TMIGD1: variants seen among roughly 807,000 people sequenced by gnomAD.
The protein encoded by TMIGD1 is transmembrane and immunoglobulin domain-containing protein 1.
In TMIGD1, 29 loss-of-function variants were observed where a neutral mutation model predicts 27.5. The ratio of observed to expected loss-of-function variants is 1.05; its 90% CI spans 0.78 to 1.44. The LOEUF is 1.44. Among genes scored for constraint, TMIGD1 ranks in the 40% most tolerant of loss-of-function variants. The pLI is 0.00. For synonymous variants in TMIGD1, 109 were observed against 110.3 expected (o/e 0.99, Z 0.07); for missense variants, 334 against 310.6 (o/e 1.08, Z -0.57).
Position 30,329,306 on chromosome 17 carries a change from G to A in TMIGD1, c.306C>T (p.Thr102=). 6.2e-7 allele frequency: 1 copy of A among 1,614,066 alleles called. No homozygotes were observed. The highest frequency in any genetic ancestry group is 8.5e-7 in the Non-Finnish European group (1 of 1,180,000). ...CGGACTGATCCCTCCCCAGCCTGCA[G>A]GTAAAGCTGATTCCGTTGTCATTTT... is the stretch of plus-strand genomic sequence containing the variant. ...ISENDNGISF[T]CRLGRDQSVS... is the part of the protein sequence containing the mutation. Residue 102 remains threonine (T), a synonymous_variant, in exon 3 of 7, where the codon ACC becomes ACT. Transcript: ENST00000328886.
At chr17:30,325,684 G>C (rs1597683599) in intron 3 of TMIGD1, among the ~76,000 whole-genome samples, 1 of 152,092 alleles carries the variant, frequency 6.6e-6, no homozygotes, top group African/African-American at 2.4e-5. Context: ...TGGTGGTTTT[G>C]AGGGTTACTC....
intron 3 of TMIGD1, among the ~76,000 whole-genome samples, chr17:30,328,008 G>T (rs557633707): frequency 6.6e-6 from 1 of 151,354 alleles, no homozygotes; most frequent in Non-Finnish European, 1.5e-5. Flanking sequence ...TGATTTTAAG[G>T]TGATGTTTAA....
At chr17:30,321,134 A>G (rs1909607119) in intron 4 of TMIGD1, among the ~76,000 whole-genome samples, 1 of 151,038 alleles carries the variant, frequency 6.6e-6, no homozygotes, top group Non-Finnish European at 1.5e-5. Context: ...CTGGGATTAT[A>G]GGTGTGAGCC....
intron 4 of TMIGD1, 31 bp downstream of exon 4, chr17:30,324,785 T>C (rs753743944): frequency 1.3e-6 from 2 of 1,597,316 alleles, no homozygotes; most frequent in South Asian, 1.1e-5. Flanking sequence ...AGTTTTGCAC[T>C]GTGCTGGGTA....
intron 4 of TMIGD1, among the ~76,000 whole-genome samples, chr17:30,323,709 G>A (rs1597682139): frequency 1.3e-5 from 2 of 152,180 alleles, no homozygotes; most frequent in East Asian, 3.8e-4. Flanking sequence ...AGTCAGGATG[G>A]CAGGGCATGA....
rs1448408445 is a variant in TMIGD1 at position 30,317,228 on chromosome 17, G to A, written c.750C>T (p.Cys250=). 4.3e-6 allele frequency: 7 copies of A among 1,613,882 alleles called. No homozygotes were observed. Among genetic ancestry groups the A allele is most frequent in the Admixed American group, 1.7e-5 (1 of 59,986 alleles). The part of the protein sequence containing the change: ...IARRKKIMKL[C]MKDKDPHSET... ...CACTGTGAGGGTCTTTATCCTTCATGCAGAGCTAAAAGCAAACATGGCAGT... is the reference window on the plus strand; with the variant it reads ...CACTGTGAGGGTCTTTATCCTTCATACAGAGCTAAAAGCAAACATGGCAGT... The change falls in exon 6 of 7, where the codon TGC becomes TGT. Residue 250 remains cysteine, a synonymous_variant. Coordinates refer to ENST00000328886, the MANE Select transcript of TMIGD1 (RefSeq NM_206832.3).
chr17:30,333,148 G>T (rs1910036432), intron 1 of TMIGD1, among the ~76,000 whole-genome samples: 1 of 151,916 alleles, frequency 6.6e-6, no homozygotes, highest in Non-Finnish European at 1.5e-5. Context: ...CTGCTGTTAG[G>T]CTGGGTGCAG....
chr17:30,325,485 A>G (rs1269853766), intron 3 of TMIGD1, among the ~76,000 whole-genome samples: 1 of 151,642 alleles, frequency 6.6e-6, no homozygotes, highest in Non-Finnish European at 1.5e-5. Flanking sequence ...CATACATTGC[A>G]ATTAGATCTA....
At position 30,325,086 on chromosome 17, in the gene TMIGD1, G is replaced by A; in HGVS notation, c.370C>T (p.Leu124Phe). The change falls in exon 4 of 7, where the codon CTC becomes TTC. Residue 124 changes from leucine to phenylalanine, a missense_variant. Leu to Phe is a conservative substitution (Grantham distance 22). Coordinates refer to ENST00000328886, the MANE Select transcript of TMIGD1 (RefSeq NM_206832.3). ...SVVLNVTFPP[L>F]LSGNDFQTVE... ...GTTTGGAAGTCGTTTCCACTTAGGAGAGGAGGAACTGCAAGACTCAAGCAT... is the reference window on the plus strand; with the variant it reads ...GTTTGGAAGTCGTTTCCACTTAGGAAAGGAGGAACTGCAAGACTCAAGCAT... 1 of 1,610,376 alleles carries A rather than the reference G, an allele frequency of 6.2e-7. No individual in the cohort carries two copies. Among genetic ancestry groups the A allele is most frequent in the Non-Finnish European group, 8.5e-7 (1 of 1,177,266 alleles).
At chr17:30,327,574 T>A (rs1308026601) in intron 3 of TMIGD1, among the ~76,000 whole-genome samples, 6 of 146,468 alleles carry the variant, frequency 4.1e-5, no homozygotes, top group East Asian at 1.9e-4. Flanking sequence ...ATTTTATTTT[T>A]TTTGAGACAG....
chr17:30,322,251 A>G (rs1909643126), intron 4 of TMIGD1, among the ~76,000 whole-genome samples: 2 of 152,312 alleles, frequency 1.3e-5, no homozygotes, highest in African/African-American at 4.8e-5. Context: ...TATCACCCCT[A>G]TGGAGAAACT....
chr17:30,319,734 TA>T (rs1909555293), intron 4 of TMIGD1, among the ~76,000 whole-genome samples: 1 of 151,854 alleles, frequency 6.6e-6, no homozygotes. Flanking sequence ...CTTTCTGGAC[TA>T]AGAAGGAGAG....
At chr17:30,319,261 A>AAAATATAT in intron 4 of TMIGD1, among the ~76,000 whole-genome samples, 1 of 69,046 alleles carries the variant, frequency 1.4e-5, no homozygotes, top group African/African-American at 9.1e-5. Flanking sequence ...AAAAAAAAAA[A>AAAATATAT]ATATATATAT....
chr17:30,324,989 T>C lies in TMIGD1; in HGVS notation c.467A>G (p.Tyr156Cys). ...TAAATCGAGGAGACTACTGTTTTTG[T>C]ACCACATCATTTGAGCCTGGGGGTT... Reference protein sequence around the residue: ...KANPQAQMMWYKNSSLLDLEK... With the variant: ...KANPQAQMMWCKNSSLLDLEK... Residue 156 changes from tyrosine to cysteine, a missense_variant, in exon 4 of 7, where the codon TAC becomes TGC. Physicochemically the swap from Tyr to Cys is radical, Grantham distance 194 (BLOSUM62 -2). Transcript: ENST00000328886. 9.3e-6 allele frequency: 15 copies of C among 1,614,152 alleles called. No homozygotes were observed. The highest frequency in any genetic ancestry group is 1.3e-5 in the African/African-American group (1 of 75,058).
Position 30,318,510 on chromosome 17 carries a change from T to C in TMIGD1, c.744+300A>G, listed in dbSNP as rs566539004. On this transcript the variant is annotated intron_variant, in intron 5 of 6. Transcript: ENST00000328886. ...TTTATTTATTATACCACAGGTATCATAGCAACAATAAAGGGCAATTTAAAA... is the reference window on the plus strand; with the variant it reads ...TTTATTTATTATACCACAGGTATCACAGCAACAATAAAGGGCAATTTAAAA... Among the ~76,000 whole-genome samples, 294 of 152,316 alleles carry C rather than the reference T, an allele frequency of 1.9e-3. 1 individual carries two copies. Among genetic ancestry groups the C allele is most frequent in the Non-Finnish European group, 3.4e-3 (229 of 68,024 alleles).
rs140052259 is a variant in TMIGD1 at position 30,329,401 on chromosome 17, C to G, written c.211G>C (p.Glu71Gln). Residue 71 changes from glutamate to glutamine, a missense_variant, in exon 3 of 7, where the codon GAG (glutamate) becomes CAG (glutamine). By Grantham distance (29) the Glu-to-Gln change is conservative. Transcript: ENST00000328886. ...CCAGATTTCAAATCCACTCTCCCCT[C>G]CTCTCGGTACCAGAGCAGTTCTTCC... ...REEELLWYRE[E>Q]GRVDLKSGNK... is the part of the protein sequence containing the mutation. 7 of 1,614,106 alleles carry G rather than the reference C, an allele frequency of 4.3e-6. No individual in the cohort carries two copies. In the African/African-American group the frequency reaches 9.3e-5, roughly 22 times the overall value.
intron 3 of TMIGD1, 51 bp from the exon 4 acceptor site, chr17:30,325,145 TG>T: frequency 2.6e-6 from 4 of 1,544,108 alleles, no homozygotes; most frequent in Non-Finnish European, 3.5e-6. Context: ...AATAGTTCAC[TG>T]TCAGAGTTCA....
chr17:30,330,623 T>C (rs910667192), intron 2 of TMIGD1, among the ~76,000 whole-genome samples: 2 of 152,098 alleles, frequency 1.3e-5, no homozygotes, highest in African/African-American at 4.8e-5. Flanking sequence ...TGAAGAAAAA[T>C]AAAAAGATGT....
chr17:30,325,322 T>C (rs566684788), intron 3 of TMIGD1, among the ~76,000 whole-genome samples: 1 of 152,156 alleles, frequency 6.6e-6, no homozygotes, highest in Non-Finnish European at 1.5e-5. Flanking sequence ...TGAAACAATA[T>C]ATGATTATGA....
Sources: gnomAD v4.1 joint callset for allele counts (sites outside exome capture counted in the v4.1 genomes callset) on GRCh38, gnomAD v4.1.1 for gene constraint, MANE v1.5 for transcripts, NCBI Gene and HGNC (gene_info 2026-07-23, HGNC 2026-07-21) for gene names.